Variants in HEATR4 observed in about 807,000 individuals in gnomAD.
HEATR4 encodes HEAT repeat-containing protein 4.
Under a neutral mutation model 108.8 loss-of-function variants are expected in HEATR4, and 95 were observed. That is an observed-to-expected ratio of 0.87 (90% CI 0.74 to 1.04). The LOEUF is 1.04. HEATR4 is among the 50% of genes least tolerant of loss of function. The pLI, the probability that HEATR4 is intolerant of heterozygous loss-of-function variation, is 0.00. For synonymous variants in HEATR4, 443 were observed against 459.4 expected (o/e 0.96, Z 0.46); for missense variants, 1,152 against 1,253.8 (o/e 0.92, Z 1.23).
the HEATR4 span, among the ~76,000 whole-genome samples, chr14:73,590,640 G>A: frequency 1.6e-4 from 25 of 152,188 alleles, no homozygotes; most frequent in Non-Finnish European, 3.2e-4. Flanking sequence ...AGGCAGCTAA[G>A]GCCCGCTGAG....
chr14:73,500,561 G>C lies in HEATR4; in HGVS notation c.2275C>G (p.Arg759Gly), dbSNP rs148646899. The C allele has an allele frequency of 6.2e-7, 1 of 1,612,818 alleles. No homozygotes were observed. The highest frequency in any genetic ancestry group is 1.1e-5 in the South Asian group (1 of 91,036). Residue 759 changes from arginine (R) to glycine (G), a missense_variant, in exon 12 of 18, where the codon CGC becomes GGC. Physicochemically the swap from Arg to Gly is moderately radical, Grantham distance 125. Transcript: ENST00000553558. ...TTTCCCTGACTCACCATCTTGTCGC[G>C]GATCTGCAGGGCACCAGCTGCCAAA... ...ACLAAGALQI[R>G]DKMVLECLLN...
the HEATR4 span, among the ~76,000 whole-genome samples, chr14:73,593,362 A>C: frequency 1.8e-5 from 2 of 111,352 alleles, no homozygotes; most frequent in Non-Finnish European, 3.4e-5. Context: ...TTTTTGAGAC[A>C]GTGTCTGTCT....
chr14:73,548,294 T>C (rs796965776), intron 1 of HEATR4, among the ~76,000 whole-genome samples: 1,665 of 110,744 alleles, frequency 0.015, 39 homozygotes, highest in African/African-American at 0.045. Context: ...GAAGTGAGTG[T>C]AGTTATTTGC....
chr14:73,481,559 G>A (rs200801251), intron 17 of HEATR4, among the ~76,000 whole-genome samples: 1 of 148,660 alleles, frequency 6.7e-6, no homozygotes, highest in Non-Finnish European at 1.5e-5. Flanking sequence ...AGTAAAAAAA[G>A]GCCGGGCATG....
the HEATR4 span, among the ~76,000 whole-genome samples, chr14:73,605,486 A>G: frequency 6.6e-6 from 1 of 151,192 alleles, no homozygotes; most frequent in Non-Finnish European, 1.5e-5. Flanking sequence ...CCTGGGAACT[A>G]GACTACTGAC....
At chr14:73,510,014 C>T (rs1000390861) in intron 7 of HEATR4, among the ~76,000 whole-genome samples, 6 of 150,650 alleles carry the variant, frequency 4.0e-5, no homozygotes, top group African/African-American at 1.5e-4. Context: ...GCTGGGACTA[C>T]AGGCACCCAG....
At chr14:73,599,235 G>A in the HEATR4 span, among the ~76,000 whole-genome samples, 2 of 151,982 alleles carry the variant, frequency 1.3e-5, no homozygotes, top group Non-Finnish European at 2.9e-5. Flanking sequence ...AACCTCCACT[G>A]AGCAGTGATG....
intron 9 of HEATR4, among the ~76,000 whole-genome samples, chr14:73,506,802 C>CTTTTTTTTTTTT (rs1470976246): frequency 4.3e-4 from 25 of 58,016 alleles, no homozygotes; most frequent in African/African-American, 2.5e-3. Flanking sequence ...CTGACTTTAA[C>CTTTTTTTTTTTT]TGTTTTTTTT....
In HEATR4 at chr14:73,519,019, T is replaced by C; in HGVS notation, c.1210+4A>G. ...CCTGCCTTCCCTGTTAGCTTCCTGC[T>C]TACATGCTTCAGGAATTGCCTGGGC... is the stretch of plus-strand genomic sequence containing the variant. On this transcript the variant is annotated splice_donor_region_variant and intron_variant, in intron 5 of 17. Coordinates refer to ENST00000553558, the MANE Select transcript of HEATR4 (RefSeq NM_001220484.1). 6.2e-7 allele frequency: 1 copy of C among 1,611,402 alleles called. No individual in the cohort carries two copies. Among genetic ancestry groups the C allele is most frequent in the South Asian group, 1.1e-5 (1 of 90,668 alleles).
chr14:73,569,988 C>CG, the HEATR4 span: 1 of 1,442,982 alleles, frequency 6.9e-7, no homozygotes, highest in African/African-American at 1.4e-5. Context: ...GCCGCGCCCC[C>CG]GGGCTATATT....
Position 73,509,578 on chromosome 14 carries a change from G to T in HEATR4, c.1559-105C>A, listed in dbSNP as rs979631153. 31 of 1,084,166 alleles carry T rather than the reference G, an allele frequency of 2.9e-5. No homozygotes were observed. In the African/African-American group the frequency reaches 3.1e-4, roughly 11 times the overall value. The allele number at this position is 1,084,166 out of a possible 1,614,324, so 67.2% of individuals were successfully genotyped here. A position where few individuals can be genotyped will look rare whatever the true frequency, so the allele number is the denominator to read the frequency against. ...GTGGCCAACCTCAGTCCCAGCTGCA[G>T]TTGCTTAGTGCTATGTAATATAATT... On this transcript the variant is annotated intron_variant, in intron 7 of 17. Coordinates refer to ENST00000553558, the MANE Select transcript of HEATR4 (RefSeq NM_001220484.1).
the HEATR4 span, chr14:73,619,275 A>C: frequency 6.2e-7 from 1 of 1,605,818 alleles, no homozygotes; most frequent in East Asian, 2.2e-5. Flanking sequence ...TTTCCAAAGG[A>C]GGTGACCTGT....
At chr14:73,487,748 T>C (rs1396713558) in intron 17 of HEATR4, among the ~76,000 whole-genome samples, 3 of 152,164 alleles carry the variant, frequency 2.0e-5, no homozygotes, top group Admixed American at 2.0e-4. Context: ...GTTAAATTCA[T>C]GTGAAAGAGT....
chr14:73,486,892 C>T (rs1045230597), intron 17 of HEATR4, among the ~76,000 whole-genome samples: 3 of 152,148 alleles, frequency 2.0e-5, no homozygotes, highest in Non-Finnish European at 4.4e-5. Flanking sequence ...ACTATGTACA[C>T]TTAAACATCC....
At chr14:73,568,725 C>A in the HEATR4 span, among the ~76,000 whole-genome samples, 1 of 151,986 alleles carries the variant, frequency 6.6e-6, no homozygotes, top group African/African-American at 2.4e-5. Flanking sequence ...TGAGAAATTA[C>A]TACCTATTAC....
chr14:73,495,509 A>T, intron 15 of HEATR4, 122 bp from the exon 16 acceptor site: 1 of 764,276 alleles, frequency 1.3e-6, no homozygotes, highest in East Asian at 2.8e-5. Context: ...CTTGAGCCCA[A>T]CAGTTCAAGG....
intron 1 of HEATR4, among the ~76,000 whole-genome samples, chr14:73,534,415 G>C (rs528902045): frequency 9.2e-6 from 1 of 109,288 alleles, no homozygotes; most frequent in South Asian, 3.0e-4. Context: ...AAACATGGCC[G>C]AGTGTAGTGG....
At chr14:73,483,674 A>C (rs1885337362) in intron 17 of HEATR4, among the ~76,000 whole-genome samples, 1 of 152,204 alleles carries the variant, frequency 6.6e-6, no homozygotes, top group Non-Finnish European at 1.5e-5. Flanking sequence ...ATTTTAAAGA[A>C]GAGCTTACAT....
At chr14:73,541,307 T>C (rs1164888373) in intron 1 of HEATR4, among the ~76,000 whole-genome samples, 2 of 112,194 alleles carry the variant, frequency 1.8e-5, no homozygotes, top group African/African-American at 3.0e-5. Flanking sequence ...CTACAATGAA[T>C]AAAGTCACTA....
Sources: allele counts gnomAD v4.1 joint callset (sites outside exome capture counted in the v4.1 genomes callset), GRCh38; gene constraint gnomAD v4.1.1; transcripts MANE v1.5; gene names NCBI Gene and HGNC (gene_info 2026-07-23, HGNC 2026-07-21).